SMIM13: variants seen among roughly 807,000 people sequenced by gnomAD.
The protein encoded by SMIM13 is UPF0766 protein C6orf228.
A neutral mutation model predicts 5.9 loss-of-function variants in SMIM13; 3 were observed. The observed-to-expected ratio is 0.51, with a 90% CI of 0.23 to 1.31. SMIM13 has a LOEUF of 1.31. Ranked by LOEUF, SMIM13 falls within the 40% of genes most tolerant of loss-of-function variation. SMIM13 has a pLI of 0.18. For missense variants in SMIM13, 85 were observed against 109.9 expected, an observed-to-expected ratio of 0.77 and a Z score of 1.01; for synonymous variants, 55 against 46.0, an observed-to-expected ratio of 1.19 and a Z score of -0.79.
At chr6:11,097,762 C>T (rs1437016340) in intron 1 of SMIM13, among the ~76,000 whole-genome samples, 1 of 152,094 alleles carries the variant, frequency 6.6e-6, no homozygotes, top group East Asian at 1.9e-4. Flanking sequence ...ACGATTCACT[C>T]TATAACAAGC....
intron 1 of SMIM13, among the ~76,000 whole-genome samples, chr6:11,095,625 T>G (rs1375318285): frequency 6.6e-6 from 1 of 152,270 alleles, no homozygotes; most frequent in Non-Finnish European, 1.5e-5. Context: ...GTGCTGGGAT[T>G]ACAGGCATGA....
intron 1 of SMIM13, among the ~76,000 whole-genome samples, chr6:11,132,926 C>T (rs902553163): frequency 9.2e-5 from 14 of 152,190 alleles, no homozygotes; most frequent in South Asian, 6.2e-4. Context: ...TTAGGGTATG[C>T]GAATTACATC....
chr6:11,107,839 A>G (rs1246780174), intron 1 of SMIM13, among the ~76,000 whole-genome samples: 1 of 152,196 alleles, frequency 6.6e-6, no homozygotes, highest in Non-Finnish European at 1.5e-5. Context: ...TTCAGTCAGA[A>G]GCTGAAATCC....
At position 11,103,569 on chromosome 6, in the gene SMIM13, T is replaced by C. The variant is rs1189781864; in HGVS notation, c.76+9180T>C. 10 of 1,395,420 alleles carry C rather than the reference T, an allele frequency of 7.2e-6. No individual in the cohort carries two copies. In the East Asian group the frequency reaches 2.3e-4, roughly 32 times the overall value. 86.4% of individuals were successfully genotyped at this position (1,395,420 alleles called of 1,614,324 possible). A position where few individuals can be genotyped will look rare whatever the true frequency, so the allele number is the denominator to read the frequency against. On this transcript the variant is annotated intron_variant, in intron 1 of 1. Transcript: ENST00000416247. ...TGGTTGTTCTGTGGGTCTTGGCCTCTTGCTAGCTGTCAGGGCAGGATGGCT... is the reference window on the plus strand; with the variant it reads ...TGGTTGTTCTGTGGGTCTTGGCCTCCTGCTAGCTGTCAGGGCAGGATGGCT...
At position 11,121,328 on chromosome 6, in the gene SMIM13, G is replaced by T. The variant is rs142488538; in HGVS notation, c.77-13075G>T. Reference sequence around the variant, plus strand: ...ATAGAATAAGAGTTAAGAAGTTTCTGATATGTGCACTTTGGGTCTGGGAAT... The same window carrying T: ...ATAGAATAAGAGTTAAGAAGTTTCTTATATGTGCACTTTGGGTCTGGGAAT... On this transcript the variant is annotated intron_variant, in intron 1 of 1. Transcript: ENST00000416247. Among the ~76,000 whole-genome samples the T allele has an allele frequency of 1.9e-3, 294 of 152,270 alleles. 3 individuals are homozygous for T. The highest frequency in any genetic ancestry group is 6.8e-3 in the African/African-American group (284 of 41,552).
intron 1 of SMIM13, chr6:11,105,453 AG>A: frequency 1.6e-6 from 1 of 639,742 alleles, no homozygotes. Flanking sequence ...TTGAGGTGAA[AG>A]GATGTTGGTG....
At chr6:11,130,786 T>C (rs1758442811) in intron 1 of SMIM13, among the ~76,000 whole-genome samples, 1 of 152,168 alleles carries the variant, frequency 6.6e-6, no homozygotes, top group Non-Finnish European at 1.5e-5. Flanking sequence ...ACCTTGTAGA[T>C]TTCTGTGCTG....
At chr6:11,102,856 CA>C (rs1758016101) in intron 1 of SMIM13, 2 of 152,096 alleles carry the variant, frequency 1.3e-5, no homozygotes, top group African/African-American at 4.8e-5. Flanking sequence ...CATGATAGTC[CA>C]AGGCAAGTTT....
chr6:11,124,125 C>T (rs1368507362), intron 1 of SMIM13, among the ~76,000 whole-genome samples: 9 of 151,952 alleles, frequency 5.9e-5, no homozygotes, highest in Non-Finnish European at 8.8e-5. Context: ...TGTTTTTGTA[C>T]CCATTAACCA....
rs747563224 is a variant in SMIM13 at position 11,104,637 on chromosome 6, G to A, written c.76+10248G>A. Reference sequence around the variant, plus strand: ...AGTTTGGTCCAATAGAACCCATTCCGCTGTAGAGCTGAGGTTGGAAATTTG... The same window carrying A: ...AGTTTGGTCCAATAGAACCCATTCCACTGTAGAGCTGAGGTTGGAAATTTG... On this transcript the variant is annotated intron_variant, in intron 1 of 1. Transcript: ENST00000416247. The A allele has an allele frequency of 7.4e-6, 12 of 1,614,058 alleles. No individual in the cohort carries two copies. Among genetic ancestry groups the A allele is most frequent in the African/African-American group, 2.7e-5 (2 of 74,894 alleles).
chr6:11,130,272 AC>A (rs1341366568), intron 1 of SMIM13, among the ~76,000 whole-genome samples: 2,597 of 150,008 alleles, frequency 0.017, 32 homozygotes, highest in South Asian at 0.038. Flanking sequence ...AAAAAAAACA[AC>A]AACAACAACA....
intron 1 of SMIM13, chr6:11,105,390 A>G (rs1210442044): frequency 1.8e-6 from 2 of 1,084,014 alleles, no homozygotes; most frequent in Non-Finnish European, 2.7e-6. Flanking sequence ...TAAAATAGTG[A>G]TAACAATCAG....
chr6:11,102,296 A>G (rs1314405343), intron 1 of SMIM13, among the ~76,000 whole-genome samples: 1 of 152,236 alleles, frequency 6.6e-6, no homozygotes, highest in Non-Finnish European at 1.5e-5. Context: ...TTAAAGATTA[A>G]ATTTGGTTTT....
chr6:11,098,685 G>C (rs576918087), intron 1 of SMIM13, among the ~76,000 whole-genome samples: 7 of 152,248 alleles, frequency 4.6e-5, no homozygotes, highest in African/African-American at 1.4e-4. Flanking sequence ...CACTTGCCCC[G>C]GGCTCCCAGG....
At chr6:11,109,472 C>T (rs1383321177) in intron 1 of SMIM13, among the ~76,000 whole-genome samples, 1 of 152,090 alleles carries the variant, frequency 6.6e-6, no homozygotes, top group Non-Finnish European at 1.5e-5. Context: ...GGGGCTTGAG[C>T]TCTGGGTAAA....
At chr6:11,116,423 A>G (rs1211143868) in intron 1 of SMIM13, among the ~76,000 whole-genome samples, 5 of 152,240 alleles carry the variant, frequency 3.3e-5, no homozygotes, top group Non-Finnish European at 5.9e-5. Context: ...TGGGATTACT[A>G]GAGTGTGTCT....
At chr6:11,123,465 C>A (rs10946967) in intron 1 of SMIM13, among the ~76,000 whole-genome samples, 21,814 of 152,116 alleles carry the variant, frequency 0.14, 1,725 homozygotes, top group Non-Finnish European at 0.18. Context: ...ATGTGTGTGA[C>A]TTTCTATTTC....
intron 1 of SMIM13, among the ~76,000 whole-genome samples, chr6:11,128,335 T>C (rs974711337): frequency 8.5e-5 from 13 of 152,300 alleles, no homozygotes; most frequent in Middle Eastern, 3.4e-3. Flanking sequence ...GGGCCTGGAA[T>C]GGCAACCTCA....
chr6:11,134,952 T>C lies in SMIM13; in HGVS notation c.*350T>C, dbSNP rs1043488820. ...ACATTTTTCTTCCCATTTTAACTTA[T>C]CTGAAATTGGGATGCATCTCATTAC... On this transcript the variant is annotated 3_prime_UTR_variant, in exon 2 of 2. Coordinates refer to ENST00000416247, the MANE Select transcript of SMIM13 (RefSeq NM_001135575.2). 8.0e-5 allele frequency: 13 copies of C among 161,498 alleles called. No individual in the cohort carries two copies. The highest frequency in any genetic ancestry group is 5.7e-3 in the Middle Eastern group (2 of 352). 10.0% of individuals were successfully genotyped at this position (161,498 alleles called of 1,614,324 possible). A position where few individuals can be genotyped will look rare whatever the true frequency, so the allele number is the denominator to read the frequency against.
Sources: allele counts gnomAD v4.1 joint callset (sites outside exome capture counted in the v4.1 genomes callset), GRCh38; gene constraint gnomAD v4.1.1; transcripts MANE v1.5; gene names NCBI Gene and HGNC (gene_info 2026-07-23, HGNC 2026-07-21).